NOX4: variants seen among roughly 807,000 people sequenced by gnomAD.
The protein encoded by NOX4 is NADPH oxidase 4.
Under a neutral mutation model 87.6 loss-of-function variants are expected in NOX4, and 69 were observed. That is an observed-to-expected ratio of 0.79 (90% confidence interval 0.65 to 0.96). The LOEUF (loss-of-function observed/expected upper bound fraction) is 0.96, where lower values mean the gene tolerates loss of function less well. NOX4 is among the 40% of genes least tolerant of loss of function. The pLI, the probability that NOX4 is intolerant of heterozygous loss-of-function variation, is 0.00. For synonymous variants in NOX4, 275 were observed against 238.2 expected, an observed-to-expected ratio of 1.15 and a Z score of -1.42; for missense variants, 680 against 681.5, an observed-to-expected ratio of 1.00 and a Z score of 0.02.
chr11:89,487,601 A>G (rs1946681999), intron 2 of NOX4, among the ~76,000 whole-genome samples: 1 of 152,188 alleles, frequency 6.6e-6, no homozygotes, highest in African/African-American at 2.4e-5. Context: ...CATGATTTTT[A>G]CAAACCTAAA....
intron 2 of NOX4, among the ~76,000 whole-genome samples, chr11:89,456,784 G>A (rs1945220166): frequency 6.6e-6 from 1 of 152,210 alleles, no homozygotes; most frequent in South Asian, 2.1e-4. Context: ...AGAGCCCACA[G>A]GGTTTGGGAC....
chr11:89,577,673 CT>C, the NOX4 span: 2 of 152,210 alleles, frequency 1.3e-5, no homozygotes, highest in African/African-American at 4.8e-5. Flanking sequence ...CAGAGAAAAA[CT>C]TTTTTCTATT....
the NOX4 span, among the ~76,000 whole-genome samples, chr11:89,537,287 T>C: frequency 1.3e-5 from 2 of 152,278 alleles, no homozygotes; most frequent in African/African-American, 4.8e-5. Context: ...AGTATATTAT[T>C]TGATTTTTTC....
At chr11:89,534,346 C>G in the NOX4 span, among the ~76,000 whole-genome samples, 6 of 152,220 alleles carry the variant, frequency 3.9e-5, no homozygotes, top group African/African-American at 1.4e-4. Context: ...CCCTGAATAT[C>G]CTTGTAGACA....
In NOX4 at chr11:89,449,474, A is replaced by G. The variant is rs771928437; in HGVS notation, c.315T>C (p.His105=). The G allele has an allele frequency of 6.2e-7, 1 of 1,612,244 alleles. No homozygotes were observed. Among genetic ancestry groups the G allele is most frequent in the Admixed American group, 1.7e-5 (1 of 59,772 alleles). Residue 105 remains histidine (H), a synonymous_variant, in exon 4 of 18, where the codon CAT becomes CAC. Coordinates refer to ENST00000263317, the MANE Select transcript of NOX4 (RefSeq NM_016931.5). The part of the protein sequence containing the change: ...RRLLDKSRTF[H]ITCGVTICIF... ...TACAGATAGTAACACCACAGGTAAT[A>G]TGGAATGTTCTGCTTTTATCCAACA...
At chr11:89,525,907 T>C in the NOX4 span, among the ~76,000 whole-genome samples, 1 of 152,148 alleles carries the variant, frequency 6.6e-6, no homozygotes, top group African/African-American at 2.4e-5. Context: ...GAGGTCAAGA[T>C]TGATGTTCAT....
chr11:89,359,244 A>G (rs529809775), intron 12 of NOX4, among the ~76,000 whole-genome samples: 1 of 152,094 alleles, frequency 6.6e-6, no homozygotes, highest in Non-Finnish European at 1.5e-5. Flanking sequence ...TCTAATTGAA[A>G]CTTTTTCTAC....
chr11:89,526,384 C>T, the NOX4 span, among the ~76,000 whole-genome samples: 1 of 152,170 alleles, frequency 6.6e-6, no homozygotes, highest in Non-Finnish European at 1.5e-5. Context: ...CTTCCTAATA[C>T]TGAACATGTT....
the NOX4 span, among the ~76,000 whole-genome samples, chr11:89,589,152 C>T: frequency 2.6e-5 from 4 of 152,186 alleles, no homozygotes; most frequent in Non-Finnish European, 5.9e-5. Flanking sequence ...TCTGGAGTCT[C>T]TCTCTTGGAA....
rs1565158757 is a variant in NOX4, at chr11:89,325,115, C to CCTTTTTTTT, written c.*1640_*1641insAAAAAAAAG. The CCTTTTTTTT allele has an allele frequency of 2.6e-5, 2 of 76,332 alleles. No individual in the cohort carries two copies. The highest frequency in any genetic ancestry group is 5.6e-5 in the African/African-American group (1 of 17,702). 4.7% of individuals were successfully genotyped at this position (76,332 alleles called of 1,614,324 possible). A position where few individuals can be genotyped will look rare whatever the true frequency, so the allele number is the denominator to read the frequency against. On this transcript the variant is annotated 3_prime_UTR_variant, in exon 18 of 18. Coordinates refer to ENST00000263317, the MANE Select transcript of NOX4 (RefSeq NM_016931.5). ...ACTAAACTGTATGAATGCTTTAATTCTTTTTTTTTTTTTTTTTTTTTTTTT... is the reference window on the plus strand; with the variant it reads ...ACTAAACTGTATGAATGCTTTAATTCCTTTTTTTTTTTTTTTTTTTTTTTTTTTTTTTTT...
intron 2 of NOX4, among the ~76,000 whole-genome samples, chr11:89,466,470 A>T (rs775120651): frequency 6.6e-6 from 1 of 152,230 alleles, no homozygotes; most frequent in Non-Finnish European, 1.5e-5. Context: ...CAGGCAGTAT[A>T]TAGAGTTAAC....
At chr11:89,584,248 T>TTTCACTG in the NOX4 span, among the ~76,000 whole-genome samples, 1 of 152,134 alleles carries the variant, frequency 6.6e-6, no homozygotes, top group Non-Finnish European at 1.5e-5. Flanking sequence ...AGGCCTTAAA[T>TTTCACTG]GAAAACTAAA....
At chr11:89,536,151 T>A in the NOX4 span, among the ~76,000 whole-genome samples, 21 of 140,848 alleles carry the variant, frequency 1.5e-4, no homozygotes, top group African/African-American at 5.6e-4. Flanking sequence ...TTTTTTTTTT[T>A]TTTTTTTTTT....
At chr11:89,351,158 G>A (rs539528034) in intron 13 of NOX4, among the ~76,000 whole-genome samples, 2 of 152,294 alleles carry the variant, frequency 1.3e-5, no homozygotes, top group South Asian at 4.1e-4. Context: ...CTGATATGGA[G>A]AAAGTTTTAG....
intron 8 of NOX4, among the ~76,000 whole-genome samples, chr11:89,416,690 A>G (rs1185247259): frequency 6.6e-6 from 1 of 152,150 alleles, no homozygotes; most frequent in East Asian, 1.9e-4. Context: ...GGGGTTCATT[A>G]ATGTCACTGT....
intron 2 of NOX4, among the ~76,000 whole-genome samples, chr11:89,477,023 T>G (rs1285496749): frequency 6.6e-6 from 1 of 152,164 alleles, no homozygotes; most frequent in Non-Finnish European, 1.5e-5. Context: ...CACCAGGGAC[T>G]GGTTTTGGGG....
upstream of NOX4, chr11:89,499,330 A>T (rs896069806): frequency 2.0e-5 from 3 of 152,196 alleles, no homozygotes; most frequent in Non-Finnish European, 4.4e-5. Flanking sequence ...CTCAAAATAT[A>T]TTTAATGAAC....
intron 2 of NOX4, among the ~76,000 whole-genome samples, chr11:89,463,334 C>A (rs1453845638): frequency 2.6e-5 from 4 of 151,702 alleles, no homozygotes; most frequent in Non-Finnish European, 5.9e-5. Context: ...GGTATTGATG[C>A]AATATTTTTT....
chr11:89,336,836 C>T (rs995568070), intron 16 of NOX4, among the ~76,000 whole-genome samples: 11 of 151,818 alleles, frequency 7.2e-5, no homozygotes, highest in Non-Finnish European at 1.2e-4. Context: ...TGTTGTATTC[C>T]AAGTATTGTG....
Sources: gnomAD v4.1 joint callset for allele counts (sites outside exome capture counted in the v4.1 genomes callset) on GRCh38, gnomAD v4.1.1 for gene constraint, MANE v1.5 for transcripts, NCBI Gene and HGNC (gene_info 2026-07-23, HGNC 2026-07-21) for gene names.